EIF2AK2: variants seen among roughly 807,000 people sequenced by gnomAD.
The protein encoded by EIF2AK2 is interferon-induced, double-stranded RNA-activated protein kinase.
EIF2AK2 carries 40 observed loss-of-function variants against 70.5 expected under a neutral mutation model. That is an observed-to-expected ratio of 0.57 (90% CI 0.44 to 0.74). The LOEUF is 0.74. Among genes scored for constraint, EIF2AK2 ranks in the 30% least tolerant of loss-of-function variants. The pLI, the probability that EIF2AK2 is intolerant of heterozygous loss-of-function variation, is 0.00. For synonymous variants in EIF2AK2, 198 were observed against 220.9 expected, an observed-to-expected ratio of 0.90 and a Z score of 0.92; for missense variants, 555 against 644.3, an observed-to-expected ratio of 0.86 and a Z score of 1.50.
chr2:37,135,457 T>C (rs1457843702), intron 10 of EIF2AK2, 27 bp downstream of exon 10: 1 of 1,582,562 alleles, frequency 6.3e-7, no homozygotes, highest in African/African-American at 1.4e-5. Flanking sequence ...TTACCCCTTC[T>C]TCTTTCTTCA....
chr2:37,118,300 C>G (rs1391931218), intron 13 of EIF2AK2, among the ~76,000 whole-genome samples: 2 of 151,770 alleles, frequency 1.3e-5, no homozygotes, highest in Non-Finnish European at 2.9e-5. Flanking sequence ...GGCAAAAGAG[C>G]AAGACCTTGT....
intron 14 of EIF2AK2, among the ~76,000 whole-genome samples, chr2:37,112,770 T>A (rs1214813177): frequency 6.6e-6 from 1 of 152,182 alleles, no homozygotes. Flanking sequence ...AGACATAACA[T>A]AAAATTTACC....
rs564959539 is a variant in EIF2AK2, at chr2:37,144,715, GA to G, written c.240+2137del. Among the ~76,000 whole-genome samples, 42 of 151,912 alleles carry G rather than the reference GA, an allele frequency of 2.8e-4. 1 individual carries two copies. In the South Asian group the frequency reaches 6.2e-3, roughly 23 times the overall value. On this transcript the variant is annotated intron_variant, in intron 4 of 16. Coordinates refer to ENST00000233057, the MANE Select transcript of EIF2AK2 (RefSeq NM_001135651.3). ...TCCCGCCTAGCCTCCTGAGTAGCTG[GA>G]ACTACAGGCACATGCCACCAAGCCC...
rs1260270603 is a variant in EIF2AK2, at chr2:37,105,167, T to A, written c.*2106A>T. 1 of 152,208 alleles carries A rather than the reference T, an allele frequency of 6.6e-6. No homozygotes were observed. The highest frequency in any genetic ancestry group is 1.5e-5 in the Non-Finnish European group (1 of 68,030). The allele number at this position is 152,208 out of a possible 1,614,324, so 9.4% of individuals were successfully genotyped here. A position where few individuals can be genotyped will look rare whatever the true frequency, so the allele number is the denominator to read the frequency against. On this transcript the variant is annotated 3_prime_UTR_variant, in exon 17 of 17. Coordinates refer to ENST00000233057, the MANE Select transcript of EIF2AK2 (RefSeq NM_001135651.3). ...TGCTTAACCTAAATTTGGCCCTTTT[T>A]AAAAATCCTAAAATCATATGGCAGT... is the stretch of plus-strand genomic sequence containing the variant.
chr2:37,115,893 G>T (rs1161668023), intron 13 of EIF2AK2, among the ~76,000 whole-genome samples: 1 of 151,652 alleles, frequency 6.6e-6, no homozygotes, highest in East Asian at 1.9e-4. Context: ...TAAGGGAGGT[G>T]TTTTGTTTTG....
rs76496255 is a variant in EIF2AK2, at chr2:37,128,455, T to C, written c.786-2044A>G. 9.8e-3 allele frequency among the ~76,000 whole-genome samples: 1,492 copies of C among 152,218 alleles called. 26 individuals are homozygous for C. The highest frequency in any genetic ancestry group is 0.034 in the African/African-American group (1,406 of 41,516). ...TGTATAGATGTCAGAGAAATCCACA[T>C]AAGCATCACAAAGATCTACAATTAC... On this transcript the variant is annotated intron_variant, in intron 10 of 16. Coordinates refer to ENST00000233057, the MANE Select transcript of EIF2AK2 (RefSeq NM_001135651.3).
chr2:37,142,862 A>T (rs1291411388), intron 4 of EIF2AK2, among the ~76,000 whole-genome samples: 1 of 152,192 alleles, frequency 6.6e-6, no homozygotes, highest in East Asian at 1.9e-4. Context: ...TTTACATTTT[A>T]CATAGTTTTC....
rs963348388 is a variant in EIF2AK2 at position 37,106,677 on chromosome 2, T to C, written c.*596A>G. On this transcript the variant is annotated 3_prime_UTR_variant, in exon 17 of 17. Transcript: ENST00000233057. ...TGGCCTAAAAGCGGTAGAAATTTAA[T>C]AAATAGATATGAATTGATTGATTCA... 1 of 151,776 alleles carries C rather than the reference T, an allele frequency of 6.6e-6. No individual in the cohort carries two copies. The highest frequency in any genetic ancestry group is 2.4e-5 in the African/African-American group (1 of 41,276). 9.4% of individuals were successfully genotyped at this position (151,776 alleles called of 1,614,324 possible). A position where few individuals can be genotyped will look rare whatever the true frequency, so the allele number is the denominator to read the frequency against.
intron 13 of EIF2AK2, among the ~76,000 whole-genome samples, chr2:37,118,364 T>G (rs191689760): frequency 6.6e-6 from 1 of 152,214 alleles, no homozygotes; most frequent in East Asian, 1.9e-4. Context: ...GTCTGACCCT[T>G]GAGCAACTGC....
intron 2 of EIF2AK2, 50 bp from the exon 3 acceptor site, chr2:37,147,872 A>C (rs908670690): frequency 5.2e-6 from 7 of 1,338,826 alleles, no homozygotes; most frequent in Non-Finnish European, 6.4e-6. Flanking sequence ...AACATATTTA[A>C]TCTGAGTTTC....
chr2:37,132,582 C>G (rs377328761), intron 10 of EIF2AK2, among the ~76,000 whole-genome samples: 2 of 152,102 alleles, frequency 1.3e-5, no homozygotes, highest in Admixed American at 6.5e-5. Flanking sequence ...GAGCAAGAAT[C>G]TGTCTCAAAA....
chr2:37,130,202 A>C (rs978669585), intron 10 of EIF2AK2, among the ~76,000 whole-genome samples: 1 of 152,118 alleles, frequency 6.6e-6, no homozygotes, highest in African/African-American at 2.4e-5. Context: ...CCCAGATTCA[A>C]GTAATTCTCC....
At chr2:37,155,287 C>A (rs1181856454) in intron 1 of EIF2AK2, among the ~76,000 whole-genome samples, 1 of 152,128 alleles carries the variant, frequency 6.6e-6, no homozygotes, top group Non-Finnish European at 1.5e-5. Context: ...AGTGCTCATC[C>A]CCTTTATTAA....
intron 5 of EIF2AK2, 28 bp downstream of exon 5, chr2:37,141,525 C>G (rs375492247): frequency 6.2e-7 from 1 of 1,600,564 alleles, no homozygotes; most frequent in East Asian, 2.2e-5. Context: ...TACAATGAAA[C>G]AGAAAGAAAA....
intron 1 of EIF2AK2, among the ~76,000 whole-genome samples, chr2:37,149,854 G>A (rs1675682223): frequency 1.3e-5 from 2 of 152,304 alleles, no homozygotes; most frequent in South Asian, 2.1e-4. Flanking sequence ...TTCACTCACA[G>A]CAGAGCACGT....
At chr2:37,144,104 A>G (rs1675437622) in intron 4 of EIF2AK2, among the ~76,000 whole-genome samples, 1 of 152,214 alleles carries the variant, frequency 6.6e-6, no homozygotes, top group South Asian at 2.1e-4. Flanking sequence ...TGTAATGGCT[A>G]AATTTCATAT....
intron 1 of EIF2AK2, among the ~76,000 whole-genome samples, chr2:37,150,141 TAAA>T (rs34438804): frequency 8.1e-5 from 11 of 136,054 alleles, no homozygotes; most frequent in Non-Finnish European, 1.1e-4. Flanking sequence ...GAAGTGACGG[TAAA>T]AAAAAAAAAA....
Position 37,122,566 on chromosome 2 carries a change from G to C in EIF2AK2, c.1007C>G (p.Thr336Ser). The change falls in exon 12 of 17, where the codon ACC becomes AGC. Residue 336 changes from threonine to serine, a missense_variant. By Grantham distance (58) the Thr-to-Ser change is moderately conservative. Around this residue, in one of 3 missense-constraint regions of EIF2AK2, gnomAD observed 299 missense variants for 375.4 expected, o/e 0.80. Transcript: ENST00000233057. Reference sequence around the variant, plus strand: ...ACTGCTCTCAAGAGAATCATCACTGGTCTCAGGATCATAATCAAATCCATC... The same window carrying C: ...ACTGCTCTCAAGAGAATCATCACTGCTCTCAGGATCATAATCAAATCCATC... ...CWDGFDYDPE[T>S]SDDSLESSDY... 6.2e-7 allele frequency: 1 copy of C among 1,614,082 alleles called. No individual in the cohort carries two copies. The highest frequency in any genetic ancestry group is 8.5e-7 in the Non-Finnish European group (1 of 1,180,014).
At chr2:37,154,890 T>C (rs1383347716) in intron 1 of EIF2AK2, among the ~76,000 whole-genome samples, 3 of 152,014 alleles carry the variant, frequency 2.0e-5, no homozygotes, top group Non-Finnish European at 4.4e-5. Flanking sequence ...GACAAGCTAC[T>C]CCTTTTCTGT....
Sources: allele counts gnomAD v4.1 joint callset (sites outside exome capture counted in the v4.1 genomes callset), GRCh38; gene constraint gnomAD v4.1.1; regional missense constraint gnomAD v4.1.1; transcripts MANE v1.5; gene names NCBI Gene and HGNC (gene_info 2026-07-23, HGNC 2026-07-21).